Variants in CFAP206 observed in about 807,000 individuals in gnomAD.
CFAP206 encodes cilia and flagella associated protein 206.
Under a neutral mutation model 65.4 loss-of-function variants are expected in CFAP206, and 53 were observed. The ratio of observed to expected loss-of-function variants is 0.81; its 90% confidence interval spans 0.65 to 1.02. CFAP206 has a LOEUF of 1.02. CFAP206 is among the 50% of genes least tolerant of loss of function. The pLI, the probability that CFAP206 is intolerant of heterozygous loss-of-function variation, is 0.00. For missense variants in CFAP206, 663 were observed against 753.2 expected, an observed-to-expected ratio of 0.88 and a Z score of 1.40; for synonymous variants, 250 against 254.4, an observed-to-expected ratio of 0.98 and a Z score of 0.17.
intron 9 of CFAP206, among the ~76,000 whole-genome samples, chr6:87,429,232 G>GA (rs75293419): frequency 0.072 from 5,914 of 81,666 alleles, 128 homozygotes; most frequent in Middle Eastern, 0.12. Flanking sequence ...ATCTCAAAAA[G>GA]AAAAAAAAAA....
intron 10 of CFAP206, among the ~76,000 whole-genome samples, chr6:87,434,352 C>T (rs1445814494): frequency 7.3e-5 from 11 of 150,400 alleles, no homozygotes; most frequent in Admixed American, 2.6e-4. Flanking sequence ...GCTGAGACTG[C>T]GCCACTGCAC....
chr6:87,441,046 C>T (rs780555613), intron 11 of CFAP206: 1 of 153,734 alleles, frequency 6.5e-6, no homozygotes. Context: ...AACTATAGTA[C>T]ATGTGGAGCT....
At chr6:87,456,900 A>G (rs1768651973) in intron 11 of CFAP206, among the ~76,000 whole-genome samples, 1 of 152,216 alleles carries the variant, frequency 6.6e-6, no homozygotes, top group Non-Finnish European at 1.5e-5. Context: ...CTGTAATCCC[A>G]GCACTTTGGG....
chr6:87,447,466 G>A (rs577966385), intron 11 of CFAP206, among the ~76,000 whole-genome samples: 1 of 152,276 alleles, frequency 6.6e-6, no homozygotes, highest in African/African-American at 2.4e-5. Flanking sequence ...CTGTTTATGT[G>A]ATGAATTACG....
chr6:87,461,889 G>T (rs1278237331), intron 12 of CFAP206, among the ~76,000 whole-genome samples: 5 of 152,166 alleles, frequency 3.3e-5, no homozygotes, highest in Non-Finnish European at 7.4e-5. Flanking sequence ...TAGACTCAAA[G>T]CATGCAGGGG....
At chr6:87,456,007 A>G (rs770412356) in intron 11 of CFAP206, among the ~76,000 whole-genome samples, 4 of 152,234 alleles carry the variant, frequency 2.6e-5, no homozygotes, top group Non-Finnish European at 5.9e-5. Flanking sequence ...AACTCATTCT[A>G]CAAGGCAATT....
At chr6:87,410,924 G>C (rs1767725341) in intron 3 of CFAP206, among the ~76,000 whole-genome samples, 1 of 152,124 alleles carries the variant, frequency 6.6e-6, no homozygotes, top group Admixed American at 6.5e-5. Flanking sequence ...CAGAAAGAAG[G>C]GGGAAAGACA....
chr6:87,449,603 T>C (rs1231285638), intron 11 of CFAP206, among the ~76,000 whole-genome samples: 2 of 152,202 alleles, frequency 1.3e-5, no homozygotes, highest in African/African-American at 4.8e-5. Context: ...ACATACCTGT[T>C]GGCCATTTGT....
At chr6:87,415,563 C>T in intron 4 of CFAP206, 123 bp from the exon 5 acceptor site, 1 of 900,064 alleles carries the variant, frequency 1.1e-6, no homozygotes, top group South Asian at 1.4e-5. Flanking sequence ...ATTATTACAG[C>T]TTAAGAAATT....
intron 10 of CFAP206, among the ~76,000 whole-genome samples, chr6:87,431,575 G>A (rs1354038548): frequency 6.6e-6 from 1 of 152,130 alleles, no homozygotes; most frequent in Non-Finnish European, 1.5e-5. Context: ...AGATCAGCCT[G>A]GCCAACATGT....
At chr6:87,430,466 C>CAA (rs1349412708) in intron 9 of CFAP206, among the ~76,000 whole-genome samples, 1 of 152,138 alleles carries the variant, frequency 6.6e-6, no homozygotes, top group Non-Finnish European at 1.5e-5. Flanking sequence ...ACCTTGTTAT[C>CAA]AAAATCAGGT....
intron 11 of CFAP206, among the ~76,000 whole-genome samples, chr6:87,447,912 G>A (rs1039241958): frequency 5.0e-5 from 7 of 140,858 alleles, no homozygotes; most frequent in Admixed American, 4.3e-4. Context: ...TTGGGAGGGT[G>A]TATGTGTCTA....
At chr6:87,434,808 T>C in intron 10 of CFAP206, 52 bp from the exon 11 acceptor site, 1 of 1,045,078 alleles carries the variant, frequency 9.6e-7, no homozygotes, top group Non-Finnish European at 1.4e-6. Context: ...AGAATAACAA[T>C]ATTTCATAAG....
At chr6:87,424,676 A>G (rs1768006196) in intron 7 of CFAP206, among the ~76,000 whole-genome samples, 1 of 152,056 alleles carries the variant, frequency 6.6e-6, no homozygotes, top group Non-Finnish European at 1.5e-5. Flanking sequence ...GACTTTTAAG[A>G]TTTTCTGCAT....
chr6:87,436,970 A>G (rs865957434), intron 11 of CFAP206, among the ~76,000 whole-genome samples: 5 of 151,914 alleles, frequency 3.3e-5, no homozygotes, highest in African/African-American at 1.2e-4. Context: ...GGTACTTATT[A>G]TTGTTTGTTT....
intron 11 of CFAP206, among the ~76,000 whole-genome samples, chr6:87,452,117 G>A (rs1308626995): frequency 1.3e-5 from 2 of 152,156 alleles, no homozygotes; most frequent in Non-Finnish European, 2.9e-5. Context: ...CGCAACATGG[G>A]GAGAGAGATT....
intron 11 of CFAP206, among the ~76,000 whole-genome samples, chr6:87,457,934 A>G (rs75744602): frequency 2.5e-3 from 377 of 152,376 alleles, no homozygotes; most frequent in African/African-American, 8.5e-3. Context: ...ATAAGGGACT[A>G]ATAGCCAGAA....
intron 11 of CFAP206, among the ~76,000 whole-genome samples, chr6:87,448,055 A>G (rs752253943): frequency 2.0e-5 from 3 of 151,868 alleles, no homozygotes; most frequent in Non-Finnish European, 4.4e-5. Flanking sequence ...TGCTGCACCT[A>G]TCAATCTGTT....
chr6:87,450,307 C>T (rs964642137), intron 11 of CFAP206, among the ~76,000 whole-genome samples: 21 of 152,044 alleles, frequency 1.4e-4, no homozygotes, highest in Admixed American at 3.9e-4. Context: ...GGCTCTTTTG[C>T]GGTTCCATAT....
Sources: gnomAD v4.1 joint callset for allele counts (sites outside exome capture counted in the v4.1 genomes callset) on GRCh38, gnomAD v4.1.1 for gene constraint, MANE v1.5 for transcripts, NCBI Gene and HGNC (gene_info 2026-07-23, HGNC 2026-07-21) for gene names.